Variants in FCSK observed in about 807,000 individuals in gnomAD.
The protein encoded by FCSK is fucose kinase.
In FCSK, 123 loss-of-function variants were observed where a neutral mutation model predicts 122.5. The ratio of observed to expected loss-of-function variants is 1.00; its 90% confidence interval spans 0.87 to 1.17. The LOEUF is 1.17. Ranked by LOEUF, FCSK falls within the 50% of genes most tolerant of loss-of-function variation. The pLI is 0.00. For synonymous variants in FCSK, 620 were observed against 625.5 expected (o/e 0.99, Z 0.13); for missense variants, 1,366 against 1,450.4 (o/e 0.94, Z 0.95).
chr16:70,475,108 CAG>C (rs1182350184), intron 18 of FCSK, 97 bp downstream of exon 18: 1 of 1,215,220 alleles, frequency 8.2e-7, no homozygotes, highest in East Asian at 2.6e-5. Context: ...GCCTGAGGGC[CAG>C]CCAGTCTGGC....
At position 70,470,512 on chromosome 16, in the gene FCSK, TG is replaced by T; in HGVS notation, c.1068+88del. Reference sequence around the variant, plus strand: ...TCCCGGGAAGAAAATAGCCGGCACTTGGAACAGATGACCCGAGTGCAGGTGT... The same window carrying T: ...TCCCGGGAAGAAAATAGCCGGCACTTGAACAGATGACCCGAGTGCAGGTGT... On this transcript the variant is annotated intron_variant, in intron 11 of 23. Transcript: ENST00000288078. 3 of 813,974 alleles carry T rather than the reference TG, an allele frequency of 3.7e-6. No individual in the cohort carries two copies. The South Asian group carries it at 4.5e-5, about 12-fold the overall frequency. The allele number at this position is 813,974 out of a possible 1,614,324, so 50.4% of individuals were successfully genotyped here.
At chr16:70,471,424 C>T (rs2048615817) in intron 13 of FCSK, 72 bp downstream of exon 13, 2 of 1,437,044 alleles carry the variant, frequency 1.4e-6, no homozygotes, top group Non-Finnish European at 9.3e-7. Flanking sequence ...CTGGCCCCCA[C>T]CCCACTGCGG....
intron 18 of FCSK, 62 bp downstream of exon 18, chr16:70,475,073 A>T (rs971790306): frequency 2.1e-6 from 3 of 1,446,954 alleles, no homozygotes; most frequent in African/African-American, 2.8e-5. Context: ...GGCAGAAGCT[A>T]GAGACTGCAG....
Position 70,479,601 on chromosome 16 carries a change from A to T in FCSK, c.3176A>T (p.His1059Leu), listed in dbSNP as rs768599884. The T allele has an allele frequency of 4.3e-6, 7 of 1,614,012 alleles. No homozygotes were observed. The Admixed American group carries it at 1.0e-4, about 23-fold the overall frequency. The change falls in exon 24 of 24, where the codon CAC (histidine) becomes CTC (leucine). Residue 1059 changes from histidine (H) to leucine (L), a missense_variant. By Grantham distance (99) the His-to-Leu change is moderately conservative (BLOSUM62 -3). Coordinates refer to ENST00000288078, the MANE Select transcript of FCSK (RefSeq NM_145059.3). ...CAGGGCCTTGGGAATTACAGCATCC[A>T]CCTGGTTGAAGTGGACACTCAGGGC... ...KTEGLGNYSI[H>L]LVEVDTQGLS...
At position 70,478,275 on chromosome 16, in the gene FCSK, G is replaced by A. The variant is rs778089170; in HGVS notation, c.2645G>A (p.Gly882Asp). Residue 882 changes from glycine to aspartate, a missense_variant, in exon 21 of 24, where the codon GGT becomes GAT. Physicochemically the swap from Gly to Asp is moderately conservative, Grantham distance 94 (BLOSUM62 -1). Coordinates refer to ENST00000288078, the MANE Select transcript of FCSK (RefSeq NM_145059.3). ...GTGACAGTCCCTGGGCTCACAGGAG[G>A]TGGCTGGCAGGACCAAGTAGGTGGC... Reference protein sequence around the residue: ...LHLEQVLTTGGGWQDQVGGLM... With the variant: ...LHLEQVLTTGDGWQDQVGGLM... 8.1e-6 allele frequency: 13 copies of A among 1,613,800 alleles called. No homozygotes were observed. The Admixed American group carries it at 8.3e-5, about 10-fold the overall frequency.
At chr16:70,472,844 G>A in intron 14 of FCSK, 139 bp from the exon 15 acceptor site, 1 of 1,093,106 alleles carries the variant, frequency 9.1e-7, no homozygotes. Flanking sequence ...AGGCAGCCTG[G>A]CCCCCGACCT....
chr16:70,475,128 C>A lies in FCSK; in HGVS notation c.2377+117C>A. 3.7e-6 allele frequency: 4 copies of A among 1,079,706 alleles called. No homozygotes were observed. The East Asian group carries it at 7.8e-5, about 21-fold the overall frequency. 66.9% of individuals were successfully genotyped at this position (1,079,706 alleles called of 1,614,324 possible). A position where few individuals can be genotyped will look rare whatever the true frequency, so the allele number is the denominator to read the frequency against. On this transcript the variant is annotated intron_variant, in intron 18 of 23. Coordinates refer to ENST00000288078, the MANE Select transcript of FCSK (RefSeq NM_145059.3). ...AGGGCCAGCCAGTCTGGCTGAGGAGCCTGAAGGGAAGGAAGGGGCTGGGAG... is the reference window on the plus strand; with the variant it reads ...AGGGCCAGCCAGTCTGGCTGAGGAGACTGAAGGGAAGGAAGGGGCTGGGAG...
intron 10 of FCSK, among the ~76,000 whole-genome samples, chr16:70,469,548 TTTTG>T (rs1336272593): frequency 6.6e-6 from 1 of 152,130 alleles, no homozygotes; most frequent in Non-Finnish European, 1.5e-5. Context: ...TTCTGTTTTT[TTTTG>T]TTTGTTTGTT....
At chr16:70,465,251 G>A in intron 4 of FCSK, 75 bp downstream of exon 4, 1 of 1,394,644 alleles carries the variant, frequency 7.2e-7, no homozygotes, top group Non-Finnish European at 9.9e-7. Flanking sequence ...GACTTCAGGG[G>A]TGTTCTGCCA....
rs570216865 is a variant in FCSK at position 70,464,990 on chromosome 16, C to G, written c.235-136C>G. On this transcript the variant is annotated intron_variant, in intron 3 of 23. Coordinates refer to ENST00000288078, the MANE Select transcript of FCSK (RefSeq NM_145059.3). Reference sequence around the variant, plus strand: ...GGGCTGCCCCTTGTCTGCCTGTGGCCATTGGTTTGACCTTGCCTTTTGTCC... The same window carrying G: ...GGGCTGCCCCTTGTCTGCCTGTGGCGATTGGTTTGACCTTGCCTTTTGTCC... 54 of 1,545,548 alleles carry G rather than the reference C, an allele frequency of 3.5e-5. No individual in the cohort carries two copies. In the African/African-American group the frequency reaches 6.4e-4, roughly 18 times the overall value.
At position 70,469,317 on chromosome 16, in the gene FCSK, A is replaced by G. The variant is rs377164688; in HGVS notation, c.949A>G (p.Thr317Ala). ...GAGGGAGCTTCGCGATCAGCCCCTT[A>G]CCATGGGTGGGTACTGCCTCTCAGC... The part of the protein sequence containing the change: ...LWRELRDQPL[T>A]MAYVSSGSYS... The change falls in exon 10 of 24, where the codon ACC (threonine) becomes GCC (alanine). Residue 317 changes from threonine (T) to alanine (A), a missense_variant. By Grantham distance (58) the Thr-to-Ala change is moderately conservative (BLOSUM62 0). Coordinates refer to ENST00000288078, the MANE Select transcript of FCSK (RefSeq NM_145059.3). 173 of 1,595,138 alleles carry G rather than the reference A, an allele frequency of 1.1e-4. No homozygotes were observed. Among genetic ancestry groups the G allele is most frequent in the Non-Finnish European group, 1.3e-4 (157 of 1,172,574 alleles).
intron 4 of FCSK, among the ~76,000 whole-genome samples, chr16:70,465,429 C>A (rs555558037): frequency 6.6e-6 from 1 of 151,018 alleles, no homozygotes; most frequent in South Asian, 2.1e-4. Context: ...GAGGCCAAGG[C>A]GGGAGGATTG....
intron 8 of FCSK, 133 bp from the exon 9 acceptor site, chr16:70,468,716 T>A: frequency 9.2e-7 from 1 of 1,086,296 alleles, no homozygotes; most frequent in South Asian, 1.4e-5. Context: ...GCTGCTGGAG[T>A]GGTCAGAAGG....
intron 13 of FCSK, among the ~76,000 whole-genome samples, chr16:70,471,713 C>G (rs1015272050): frequency 6.6e-6 from 1 of 152,146 alleles, no homozygotes; most frequent in Non-Finnish European, 1.5e-5. Context: ...ATTCTCCTGC[C>G]TCAGCCTCAC....
Position 70,479,696 on chromosome 16 carries a change from G to GCAA in FCSK, c.*19_*21dup. 1 of 1,605,700 alleles carries GCAA rather than the reference G, an allele frequency of 6.2e-7. No individual in the cohort carries two copies. Among genetic ancestry groups the GCAA allele is most frequent in the East Asian group, 2.2e-5 (1 of 44,850 alleles). On this transcript the variant is annotated 3_prime_UTR_variant, in exon 24 of 24. Transcript: ENST00000288078. ...TTTCCCATGAAGCTGGCTTCTCTCT[G>GCAA]CAACAGGAGAAAACCTGGAGCTACA...
intron 4 of FCSK, 35 bp downstream of exon 4, chr16:70,465,211 G>A (rs771947854): frequency 1.3e-6 from 2 of 1,582,058 alleles, no homozygotes; most frequent in Non-Finnish European, 8.6e-7. Flanking sequence ...CAAGCAGAAG[G>A]CCAGAATCCC....
intron 1 of FCSK, among the ~76,000 whole-genome samples, chr16:70,455,420 G>T (rs949431341): frequency 4.6e-5 from 7 of 152,084 alleles, no homozygotes; most frequent in African/African-American, 1.4e-4. Context: ...AGGAGATGGA[G>T]GTTGCAGTGA....
chr16:70,471,510 T>C (rs2048619036), intron 13 of FCSK, among the ~76,000 whole-genome samples, 158 bp downstream of exon 13: 1 of 152,130 alleles, frequency 6.6e-6, no homozygotes, highest in Admixed American at 6.5e-5. Context: ...AGGGAGGAGA[T>C]AGGGTGAAGA....
intron 20 of FCSK, 161 bp downstream of exon 20, chr16:70,475,928 C>T (rs2048797909): frequency 4.3e-6 from 3 of 704,880 alleles, no homozygotes; most frequent in Non-Finnish European, 4.3e-6. Context: ...CTTCTCTGGT[C>T]GTTTTCAACC....
Sources: gnomAD v4.1 joint callset for allele counts (sites outside exome capture counted in the v4.1 genomes callset) on GRCh38, gnomAD v4.1.1 for gene constraint, MANE v1.5 for transcripts, NCBI Gene and HGNC (gene_info 2026-07-23, HGNC 2026-07-21) for gene names.